SPG7: variants seen among roughly 807,000 people sequenced by gnomAD.
SPG7 encodes mitochondrial inner membrane m-AAA protease component paraplegin.
Under a neutral mutation model 81.9 loss-of-function variants are expected in SPG7, and 103 were observed. That is an observed-to-expected ratio of 1.26 (90% CI 1.07 to 1.48). The LOEUF (loss-of-function observed/expected upper bound fraction) is 1.48. Ranked by LOEUF, SPG7 falls within the 40% of genes most tolerant of loss-of-function variation. SPG7 has a pLI of 0.00. For synonymous variants in SPG7, 534 were observed against 444.2 expected (o/e 1.20, Z -2.54); for missense variants, 1,241 against 1,087.3 (o/e 1.14, Z -1.99).
At chr16:89,536,786 C>T in intron 9 of SPG7, 1 of 1,614,130 alleles carries the variant, frequency 6.2e-7, no homozygotes, top group South Asian at 1.1e-5. Context: ...GACCAGCTAC[C>T]CTCCCAGGGG....
intron 9 of SPG7, among the ~76,000 whole-genome samples, chr16:89,534,274 C>T (rs555682191): frequency 1.4e-4 from 21 of 152,286 alleles, no homozygotes; most frequent in African/African-American, 4.8e-4. Flanking sequence ...CTTTGCTATC[C>T]GCCTTCTTTC....
At chr16:89,529,395 C>G (rs2058310547) in intron 5 of SPG7, 82 bp from the exon 6 acceptor site, 9 of 859,350 alleles carry the variant, frequency 1.0e-5, no homozygotes, top group Non-Finnish European at 1.8e-5. Context: ...GGAAACATTG[C>G]CAGCAGTGGT....
chr16:89,546,520 A>C (rs2058565278), intron 10 of SPG7, 138 bp from the exon 11 acceptor site: 1 of 760,950 alleles, frequency 1.3e-6, no homozygotes, highest in Non-Finnish European at 2.4e-6. Flanking sequence ...TCTACTAAAA[A>C]TACAAAACTC....
At chr16:89,537,093 A>T (rs1180577526) in intron 9 of SPG7, 3 of 1,521,670 alleles carry the variant, frequency 2.0e-6, no homozygotes, top group African/African-American at 2.7e-5. Context: ...AAGTCCCTTT[A>T]TGCAGAGCCA....
intron 9 of SPG7, chr16:89,536,666 G>A: frequency 6.9e-7 from 1 of 1,453,686 alleles, no homozygotes; most frequent in Non-Finnish European, 9.6e-7. Context: ...AGGCGAGGCG[G>A]GTGAGATCGG....
At chr16:89,536,662 G>A (rs1438705540) in intron 9 of SPG7, 2 of 1,426,670 alleles carry the variant, frequency 1.4e-6, no homozygotes, top group East Asian at 2.3e-5. Flanking sequence ...AGGCAGGCGA[G>A]GCGGGTGAGA....
intron 4 of SPG7, among the ~76,000 whole-genome samples, chr16:89,525,680 C>T (rs561807188): frequency 4.6e-5 from 7 of 152,310 alleles, no homozygotes; most frequent in East Asian, 1.9e-4. Context: ...TTTGGAGAAT[C>T]GTGTGCCAGG....
At chr16:89,542,822 C>T (rs2058512247) in intron 9 of SPG7, among the ~76,000 whole-genome samples, 1 of 152,062 alleles carries the variant, frequency 6.6e-6, no homozygotes, top group African/African-American at 2.4e-5. Context: ...CTGCAGCCTT[C>T]ACCTCCTAGG....
chr16:89,557,716 C>G lies in SPG7; in HGVS notation c.*623C>G, dbSNP rs538026006. 4.5e-5 allele frequency: 7 copies of G among 155,690 alleles called. No individual in the cohort carries two copies. Among genetic ancestry groups the G allele is most frequent in the African/African-American group, 1.4e-4 (6 of 41,580 alleles). The allele number at this position is 155,690 out of a possible 1,614,324, so 9.6% of individuals were successfully genotyped here. On this transcript the variant is annotated 3_prime_UTR_variant, in exon 17 of 17. Transcript: ENST00000645818. ...TGGGGATGCCTTGGTTTTTACTGCTCTGAGAATTGTTGAGATACTTTACTA... is the reference window on the plus strand; with the variant it reads ...TGGGGATGCCTTGGTTTTTACTGCTGTGAGAATTGTTGAGATACTTTACTA...
intron 4 of SPG7, among the ~76,000 whole-genome samples, chr16:89,524,849 G>A (rs981038855): frequency 6.6e-6 from 1 of 152,152 alleles, no homozygotes; most frequent in African/African-American, 2.4e-5. Flanking sequence ...GTCTGGGGTT[G>A]GTGTGGCCCA....
At chr16:89,541,051 G>A (rs1008949505) in intron 9 of SPG7, 9 of 984,238 alleles carry the variant, frequency 9.1e-6, no homozygotes, top group Admixed American at 6.2e-5. Context: ...GGTGTTGTAC[G>A]CAGAAATAGA....
chr16:89,549,192 G>C (rs1422898454), intron 12 of SPG7: 1 of 456,814 alleles, frequency 2.2e-6, no homozygotes, highest in South Asian at 1.5e-5. Flanking sequence ...TAGCAAAGCA[G>C]GAAGGACTGA....
rs760661764 is a variant in SPG7 at position 89,556,939 on chromosome 16, C to G, written c.2234C>G (p.Ala745Gly). Residue 745 changes from alanine (A) to glycine (G), a missense_variant, in exon 17 of 17, where the codon GCT becomes GGT. Coordinates refer to ENST00000645818, the MANE Select transcript of SPG7 (RefSeq NM_003119.4). Reference protein sequence around the residue: ...KEVINYEDIEALIGPPPHGPK... With the variant: ...KEVINYEDIEGLIGPPPHGPK... ...GTGATAAACTATGAGGACATTGAGGCTCTCATTGGCCCGCCGCCCCATGGG... is the reference window on the plus strand; with the variant it reads ...GTGATAAACTATGAGGACATTGAGGGTCTCATTGGCCCGCCGCCCCATGGG... 1 of 1,614,100 alleles carries G rather than the reference C, an allele frequency of 6.2e-7. No homozygotes were observed. The highest frequency in any genetic ancestry group is 1.1e-5 in the South Asian group (1 of 91,086).
chr16:89,546,582 C>A (rs1011162153), intron 10 of SPG7, 76 bp from the exon 11 acceptor site: 11 of 976,122 alleles, frequency 1.1e-5, no homozygotes, highest in Admixed American at 5.1e-5. Context: ...CCCCCCCCCC[C>A]CACAGACAAA....
At position 89,544,745 on chromosome 16, in the gene SPG7, C is replaced by T. The variant is rs201482100; in HGVS notation, c.1422C>T (p.His474=). 2.9e-5 allele frequency: 47 copies of T among 1,614,118 alleles called. No homozygotes were observed. The highest frequency in any genetic ancestry group is 6.7e-5 in the East Asian group (3 of 44,890). The change falls in exon 10 of 17, where the codon CAC becomes CAT. Residue 474 remains histidine, a synonymous_variant. Coordinates refer to ENST00000645818, the MANE Select transcript of SPG7 (RefSeq NM_003119.4). ...ALMRPGRLDR[H]VFIDLPTLQE... ...TGAGGCCAGGCCGACTGGACCGGCA[C>T]GTCTTCATTGATCTCCCCACGCTGC...
chr16:89,526,253 C>G, intron 4 of SPG7, 76 bp from the exon 5 acceptor site: 1 of 1,553,790 alleles, frequency 6.4e-7, no homozygotes. Context: ...GAGTTCCAGG[C>G]GGGCTCTCTG....
chr16:89,521,544 A>T (rs1419862236), intron 3 of SPG7: 1 of 152,224 alleles, frequency 6.6e-6, no homozygotes, highest in East Asian at 1.9e-4. Flanking sequence ...GTCGTTTGAG[A>T]CTGCCTTGGC....
rs1207271661 is a variant in SPG7 at position 89,553,064 on chromosome 16, T to A, written c.1865T>A (p.Leu622Gln). ...RDQHLFTKEQ[L>Q]FERMCMALGG... is the part of the protein sequence containing the mutation. ...CAGCACCTCTTCACCAAGGAGCAGCTGTTTGAGCGGATGTGCATGGCCCTG... is the reference window on the plus strand; with the variant it reads ...CAGCACCTCTTCACCAAGGAGCAGCAGTTTGAGCGGATGTGCATGGCCCTG... The change falls in exon 14 of 17, where the codon CTG becomes CAG. Residue 622 changes from leucine to glutamine, a missense_variant. Leu to Gln is a moderately radical substitution (Grantham distance 113, BLOSUM62 -2). Coordinates refer to ENST00000645818, the MANE Select transcript of SPG7 (RefSeq NM_003119.4). 1.2e-6 allele frequency: 2 copies of A among 1,613,826 alleles called. No homozygotes were observed. Among genetic ancestry groups the A allele is most frequent in the Non-Finnish European group, 1.7e-6 (2 of 1,179,938 alleles).
intron 16 of SPG7, 198 bp from the exon 17 acceptor site, chr16:89,556,689 G>A (rs1426115063): frequency 1.3e-5 from 8 of 609,996 alleles, no homozygotes; most frequent in East Asian, 2.8e-5. Flanking sequence ...GCTGGCCGCC[G>A]GAAAATCATT....
Sources: allele counts gnomAD v4.1 joint callset (sites outside exome capture counted in the v4.1 genomes callset), GRCh38; gene constraint gnomAD v4.1.1; transcripts MANE v1.5; gene names NCBI Gene and HGNC (gene_info 2026-07-23, HGNC 2026-07-21).